Variants in CDCA5 observed in about 807,000 individuals in gnomAD.
CDCA5 encodes cell division cycle associated 5.
CDCA5 carries 14 observed loss-of-function variants against 25.7 expected under a neutral mutation model. The ratio of observed to expected loss-of-function variants is 0.54; its 90% confidence interval spans 0.36 to 0.85. The LOEUF (loss-of-function observed/expected upper bound fraction) is 0.85. CDCA5 is among the 40% of genes least tolerant of loss of function. CDCA5 has a pLI of 0.01. For missense variants in CDCA5, 307 were observed against 324.5 expected (o/e 0.95, Z 0.41); for synonymous variants, 127 against 128.7 (o/e 0.99, Z 0.09).
chr11:65,067,925 TGGGGTG>T, intron 3 of CDCA5: 1 of 902,302 alleles, frequency 1.1e-6, no homozygotes. Flanking sequence ...TTTCTGGGTG[TGGGGTG>T]GGGAGAAACA....
At chr11:65,068,089 G>T (rs79858190) in exon 3 of CDCA5, 1 of 1,289,322 alleles carries the variant, frequency 7.8e-7, no homozygotes, top group Non-Finnish European at 1.0e-6. Context: ...GGAACGTGAC[G>T]GTGGGTTCCA....
At chr11:65,062,774 C>T (rs1360166950), downstream of CDCA5, among the ~76,000 whole-genome samples, 3 of 152,128 alleles carry the variant, frequency 2.0e-5, no homozygotes, top group Non-Finnish European at 4.4e-5. Context: ...TTTAAAAATA[C>T]ATAAATAAAA....
In CDCA5 at chr11:65,079,334, A is replaced by AC. The variant is rs750850005; in HGVS notation, c.678+18dup. 2 of 1,609,894 alleles carry AC rather than the reference A, an allele frequency of 1.2e-6. No individual in the cohort carries two copies. Among genetic ancestry groups the AC allele is most frequent in the Non-Finnish European group, 1.7e-6 (2 of 1,178,890 alleles). On this transcript the variant is annotated intron_variant, in intron 5 of 5. Coordinates refer to ENST00000275517, the MANE Select transcript of CDCA5 (RefSeq NM_080668.4). ...CTCCCAGAGCACACGGCAGAGAAAAACCCCTGCCTCTCACTCACCAAGATC... is the reference window on the plus strand; with the variant it reads ...CTCCCAGAGCACACGGCAGAGAAAAACCCCCTGCCTCTCACTCACCAAGATC...
chr11:65,079,693 G>A lies in CDCA5; in HGVS notation c.338C>T (p.Thr113Ile), dbSNP rs1590798291. Reference sequence around the variant, plus strand: ...CTCAGGGTTCGGCACAGGAGTGCTGGTGGGGGTGGCAGGGACGCTGTGTGT... The same window carrying A: ...CTCAGGGTTCGGCACAGGAGTGCTGATGGGGGTGGCAGGGACGCTGTGTGT... ...FKTHSVPATP[T>I]STPVPNPEAE... The change falls in exon 5 of 6, where the codon ACC becomes ATC. Residue 113 changes from threonine to isoleucine, a missense_variant. Coordinates refer to ENST00000275517, the MANE Select transcript of CDCA5 (RefSeq NM_080668.4). 1 of 1,585,798 alleles carries A rather than the reference G, an allele frequency of 6.3e-7. No homozygotes were observed. Among genetic ancestry groups the A allele is most frequent in the Non-Finnish European group, 8.6e-7 (1 of 1,164,376 alleles).
At position 65,083,668 on chromosome 11, in the gene CDCA5, G is replaced by A; in HGVS notation, c.102C>T (p.Gly34=). The part of the protein sequence containing the change: ...KPLRRSQRKS[G]SELPSILPEI... ...CAGGGAGGATGCTCGGGAGTTCAGAGCCTGATTTCCGCTGGGACCTCCGCA... is the reference window on the plus strand; with the variant it reads ...CAGGGAGGATGCTCGGGAGTTCAGAACCTGATTTCCGCTGGGACCTCCGCA... The change falls in exon 2 of 6, where the codon GGC becomes GGT. Residue 34 remains glycine, a synonymous_variant. Coordinates refer to ENST00000275517, the MANE Select transcript of CDCA5 (RefSeq NM_080668.4). The A allele has an allele frequency of 6.2e-7, 1 of 1,614,226 alleles. No homozygotes were observed. Among genetic ancestry groups the A allele is most frequent in the Non-Finnish European group, 8.5e-7 (1 of 1,180,032 alleles).
downstream of CDCA5, among the ~76,000 whole-genome samples, chr11:65,062,605 C>T (rs1050578872): frequency 7.2e-5 from 11 of 152,124 alleles, no homozygotes; most frequent in Non-Finnish European, 1.6e-4. Flanking sequence ...AATGTCACTT[C>T]TCAATGAGCT....
At chr11:65,073,468 G>C (rs999019860), downstream of CDCA5, among the ~76,000 whole-genome samples, 3 of 152,172 alleles carry the variant, frequency 2.0e-5, no homozygotes, top group Non-Finnish European at 2.9e-5. Flanking sequence ...CAGGGGTGAC[G>C]CGTGAGCCAG....
chr11:65,067,591 G>C, intron 4 of CDCA5: 3 of 1,065,698 alleles, frequency 2.8e-6, no homozygotes, highest in Non-Finnish European at 3.8e-6. Context: ...CTGAAAGCCA[G>C]GCCTGGCCTT....
chr11:65,073,093 C>T (rs551287050), downstream of CDCA5, among the ~76,000 whole-genome samples: 130 of 151,352 alleles, frequency 8.6e-4, no homozygotes, highest in Non-Finnish European at 5.8e-4. Flanking sequence ...TACAGGTGCC[C>T]GCCACCATGC....
chr11:65,068,351 G>A (rs900908646), intron 2 of CDCA5: 2 of 495,398 alleles, frequency 4.0e-6, no homozygotes, highest in African/African-American at 2.0e-5. Context: ...CCCAGGAGCT[G>A]GGCCTGGACG....
At chr11:65,076,140 G>T (rs73495050), downstream of CDCA5, among the ~76,000 whole-genome samples, 700 of 152,252 alleles carry the variant, frequency 4.6e-3, 8 homozygotes, top group African/African-American at 0.016. Context: ...TTTGAAACAG[G>T]GTCTTTACTC....
At chr11:65,076,574 C>G (rs573696781), downstream of CDCA5, among the ~76,000 whole-genome samples, 1 of 152,262 alleles carries the variant, frequency 6.6e-6, no homozygotes, top group Non-Finnish European at 1.5e-5. Flanking sequence ...GGAAGGAGGT[C>G]AAAGCGGATT....
chr11:65,067,413 C>G (rs1163807991), intron 4 of CDCA5, among the ~76,000 whole-genome samples: 1 of 152,226 alleles, frequency 6.6e-6, no homozygotes, highest in Non-Finnish European at 1.5e-5. Flanking sequence ...GCTCTGACCC[C>G]AGCATTACCT....
chr11:65,061,242 G>T, the CDCA5 span, among the ~76,000 whole-genome samples: 1 of 152,136 alleles, frequency 6.6e-6, no homozygotes, highest in Non-Finnish European at 1.5e-5. Context: ...AAAGCCTCCT[G>T]CCAACATTCA....
chr11:65,082,997 A>C (rs1947604547), intron 4 of CDCA5, among the ~76,000 whole-genome samples: 1 of 152,132 alleles, frequency 6.6e-6, no homozygotes, highest in Non-Finnish European at 1.5e-5. Flanking sequence ...TCTATTAATG[A>C]AACATCCTTT....
chr11:65,083,561 G>C lies in CDCA5; in HGVS notation c.142-11C>G. The C allele has an allele frequency of 6.2e-7, 1 of 1,614,160 alleles. No homozygotes were observed. The stretch of plus-strand genomic sequence containing the variant: ...AGCCGCACTGGGTGTCTGGAGAAGA[G>C]GGATGAACGTGAGCTCAACATTAGG... On this transcript the variant is annotated splice_polypyrimidine_tract_variant and intron_variant, in intron 2 of 5. Transcript: ENST00000275517.
intron 3 of CDCA5, chr11:65,067,924 G>T: frequency 1.1e-6 from 1 of 901,326 alleles, no homozygotes; most frequent in South Asian, 1.4e-5. Context: ...GTTTCTGGGT[G>T]TGGGGTGGGG....
chr11:65,061,734 C>T (rs1947187673), downstream of CDCA5, among the ~76,000 whole-genome samples: 1 of 142,340 alleles, frequency 7.0e-6, no homozygotes, highest in Admixed American at 7.1e-5. Flanking sequence ...GAGATAGCGC[C>T]ACTGCACTCC....
At chr11:65,068,137 A>G in intron 2 of CDCA5, 1 of 1,280,390 alleles carries the variant, frequency 7.8e-7, no homozygotes, top group South Asian at 1.2e-5. Context: ...AGAAAGCGCC[A>G]AGGTGACTGG....
Sources: allele counts gnomAD v4.1 joint callset (sites outside exome capture counted in the v4.1 genomes callset), GRCh38; gene constraint gnomAD v4.1.1; transcripts MANE v1.5; gene names NCBI Gene and HGNC (gene_info 2026-07-23, HGNC 2026-07-21).